KIF1B: variants seen among roughly 807,000 people sequenced by gnomAD.
KIF1B encodes kinesin-like protein KIF1B.
A neutral mutation model predicts 241.9 loss-of-function variants in KIF1B; 76 were observed. That is an observed-to-expected ratio of 0.31 (90% CI 0.26 to 0.38). The LOEUF (loss-of-function observed/expected upper bound fraction) is 0.38. KIF1B is among the 10% of genes least tolerant of loss of function. The probability of loss-of-function intolerance (pLI) is 1.00; values close to 1 mark genes in which losing one functional copy is unlikely to be tolerated. For missense variants in KIF1B, 1,622 were observed against 2,271.4 expected, an observed-to-expected ratio of 0.71 and a Z score of 5.81; for synonymous variants, 750 against 796.7, an observed-to-expected ratio of 0.94 and a Z score of 0.99.
chr1:10,244,339 A>T (rs946660182), intron 2 of KIF1B, among the ~76,000 whole-genome samples: 1 of 104,404 alleles, frequency 9.6e-6, no homozygotes, highest in Non-Finnish European at 1.9e-5. Flanking sequence ...TTTGAGATGG[A>T]GTTTCGCTCT....
chr1:10,319,134 G>A (rs907828279), intron 22 of KIF1B, among the ~76,000 whole-genome samples: 8 of 140,324 alleles, frequency 5.7e-5, no homozygotes, highest in African/African-American at 8.1e-5. Flanking sequence ...ACAGAGTCTC[G>A]CTCTGTCTCC....
chr1:10,307,274 T>C lies in KIF1B; in HGVS notation c.2115+10028T>C, dbSNP rs1015409710. On this transcript the variant is annotated intron_variant, in intron 22 of 48. Coordinates refer to ENST00000676179, the MANE Select transcript of KIF1B (RefSeq NM_001365951.3). ...ATAAGTAACTAGTGCCATGCTTTTG[T>C]GAGCTCTTGGTATGGCCCATATTAC... 1.1e-5 allele frequency: 11 copies of C among 1,019,366 alleles called. No individual in the cohort carries two copies. The African/African-American group carries it at 1.7e-4, about 16-fold the overall frequency. The allele number at this position is 1,019,366 out of a possible 1,614,324, so 63.1% of individuals were successfully genotyped here. A position where few individuals can be genotyped will look rare whatever the true frequency, so the allele number is the denominator to read the frequency against.
intron 35 of KIF1B, 115 bp downstream of exon 35, chr1:10,346,068 G>A (rs1652577058): frequency 1.3e-6 from 1 of 788,216 alleles, no homozygotes; most frequent in Non-Finnish European, 2.2e-6. Context: ...AAATTCCAGG[G>A]ATGGTTTTGT....
At chr1:10,247,095 G>A (rs1157140730) in intron 2 of KIF1B, among the ~76,000 whole-genome samples, 1 of 152,150 alleles carries the variant, frequency 6.6e-6, no homozygotes, top group Non-Finnish European at 1.5e-5. Context: ...GAACTCCTGA[G>A]CTCAAGCAAT....
chr1:10,240,396 T>TG (rs1398057556), intron 2 of KIF1B, among the ~76,000 whole-genome samples: 15 of 151,976 alleles, frequency 9.9e-5, no homozygotes, highest in African/African-American at 3.6e-4. Context: ...TTAGTAGAGG[T>TG]GGGGTTTCAC....
At chr1:10,305,224 T>C (rs1650768668) in intron 22 of KIF1B, 1 of 1,044,346 alleles carries the variant, frequency 9.6e-7, no homozygotes, top group Admixed American at 5.5e-5. Flanking sequence ...AATACATAGC[T>C]TTGCATCTTC....
intron 1 of KIF1B, among the ~76,000 whole-genome samples, chr1:10,211,099 C>G (rs1646687090): frequency 6.6e-6 from 1 of 152,064 alleles, no homozygotes; most frequent in Non-Finnish European, 1.5e-5. Context: ...CTGGGGCCCC[C>G]GCAGTGCCCT....
chr1:10,226,925 G>A (rs1169172465), intron 1 of KIF1B, among the ~76,000 whole-genome samples: 1 of 151,604 alleles, frequency 6.6e-6, no homozygotes, highest in Non-Finnish European at 1.5e-5. Flanking sequence ...CTGAGATCAT[G>A]CCACTGCACT....
At position 10,303,555 on chromosome 1, in the gene KIF1B, G is replaced by T. The variant is rs1650652908; in HGVS notation, c.2115+6309G>T. The stretch of plus-strand genomic sequence containing the variant: ...GGGACTCCTGGAGGGCAGTGGCCAG[G>T]GACGTCTGGGATACCGTCGGTGTTG... On this transcript the variant is annotated intron_variant, in intron 22 of 48. Coordinates refer to ENST00000676179, the MANE Select transcript of KIF1B (RefSeq NM_001365951.3). The surrounding 1 kb of genome is among the most constrained non-coding windows in gnomAD (Gnocchi z 5.2). The T allele has an allele frequency of 6.2e-7, 1 of 1,614,044 alleles. No homozygotes were observed.
rs70998362 is a variant in KIF1B at position 10,216,957 on chromosome 1, C to CTTT, written c.-80+6111_-80+6113dup. Among the ~76,000 whole-genome samples, 177 of 54,506 alleles carry CTTT rather than the reference C, an allele frequency of 3.2e-3. 19 individuals are homozygous for CTTT. The highest frequency in any genetic ancestry group is 6.7e-3 in the African/African-American group (102 of 15,218). 35.8% of individuals were successfully genotyped at this position (54,506 alleles called of 152,430 possible). On this transcript the variant is annotated intron_variant, in intron 1 of 48. Coordinates refer to ENST00000676179, the MANE Select transcript of KIF1B (RefSeq NM_001365951.3). ...TTTCCCTGCAGTACTTGCCCATTTT[C>CTTT]TTTTTTTTTTTTTTTTTTTTTTTTT...
intron 40 of KIF1B, 122 bp from the exon 41 acceptor site, chr1:10,363,161 G>T (rs1485867880): frequency 2.8e-6 from 2 of 725,674 alleles, no homozygotes; most frequent in Non-Finnish European, 4.7e-6. Flanking sequence ...TGACAAATAA[G>T]AAATGCCTGG....
Position 10,379,888 on chromosome 1 carries a change from G to C in KIF1B, c.*3301G>C. Reference sequence around the variant, plus strand: ...ATGCGCTAGTCAGGAGCACAGGCAAGGGGTGCTTGTGGCAGTGGCCGGGCA... The same window carrying C: ...ATGCGCTAGTCAGGAGCACAGGCAACGGGTGCTTGTGGCAGTGGCCGGGCA... On this transcript the variant is annotated 3_prime_UTR_variant, in exon 49 of 49. Coordinates refer to ENST00000676179, the MANE Select transcript of KIF1B (RefSeq NM_001365951.3). 1 of 229,936 alleles carries C rather than the reference G, an allele frequency of 4.3e-6. No individual in the cohort carries two copies. 14.2% of individuals were successfully genotyped at this position (229,936 alleles called of 1,614,324 possible). A position where few individuals can be genotyped will look rare whatever the true frequency, so the allele number is the denominator to read the frequency against.
chr1:10,278,256 T>C, intron 13 of KIF1B, 128 bp downstream of exon 13: 1 of 959,506 alleles, frequency 1.0e-6, no homozygotes, highest in South Asian at 1.6e-5. Flanking sequence ...TGAAAATGTT[T>C]TGTTTTGTTT....
intron 22 of KIF1B, among the ~76,000 whole-genome samples, chr1:10,311,533 T>C (rs1304408357): frequency 1.3e-5 from 2 of 151,338 alleles, no homozygotes; most frequent in Non-Finnish European, 2.9e-5. Context: ...TTTTCATTAT[T>C]TCCTATCCTC....
intron 37 of KIF1B, among the ~76,000 whole-genome samples, chr1:10,349,578 G>C (rs1175871484): frequency 6.6e-6 from 1 of 151,408 alleles, no homozygotes; most frequent in East Asian, 1.9e-4. Flanking sequence ...AGTTAACAGT[G>C]AAAACAAGCC....
intron 1 of KIF1B, among the ~76,000 whole-genome samples, chr1:10,228,275 A>C (rs1646935710): frequency 6.6e-6 from 1 of 152,156 alleles, no homozygotes; most frequent in African/African-American, 2.4e-5. Flanking sequence ...TATACAGACT[A>C]GATGTATGCT....
intron 2 of KIF1B, among the ~76,000 whole-genome samples, chr1:10,238,329 T>C (rs1647084732): frequency 7.2e-6 from 1 of 139,834 alleles, no homozygotes; most frequent in Non-Finnish European, 1.5e-5. Context: ...TGCAGTGAAC[T>C]GAGATGGAGC....
intron 1 of KIF1B, among the ~76,000 whole-genome samples, chr1:10,216,239 C>T (rs1341916264): frequency 1.3e-5 from 2 of 152,126 alleles, no homozygotes; most frequent in Non-Finnish European, 2.9e-5. Flanking sequence ...CATTCTGTTC[C>T]AGTTGTTTAG....
Position 10,375,013 on chromosome 1 carries a change from G to A in KIF1B, c.5256G>A (p.Val1752=). Residue 1752 remains valine, a synonymous_variant, in exon 47 of 49, where the codon GTG becomes GTA. Transcript: ENST00000676179. ...RGIINLSTAQ[V]EYSEDQQAMV... is the part of the protein sequence containing the mutation. Reference sequence around the variant, plus strand: ...TCATTAACCTGTCCACAGCACAGGTGGAGTACAGTGAGGACCAGCAGGCCA... The same window carrying A: ...TCATTAACCTGTCCACAGCACAGGTAGAGTACAGTGAGGACCAGCAGGCCA... 2 of 1,614,160 alleles carry A rather than the reference G, an allele frequency of 1.2e-6. No homozygotes were observed. The highest frequency in any genetic ancestry group is 1.7e-6 in the Non-Finnish European group (2 of 1,180,034).
Sources: allele counts gnomAD v4.1 joint callset (sites outside exome capture counted in the v4.1 genomes callset), GRCh38; gene constraint gnomAD v4.1.1; non-coding constraint Gnocchi (gnomAD v3.1); transcripts MANE v1.5; gene names NCBI Gene and HGNC (gene_info 2026-07-23, HGNC 2026-07-21).